Variants in INTU observed in about 807,000 individuals in gnomAD.
INTU encodes inturned planar cell polarity protein, also known as protein inturned.
A neutral mutation model predicts 100.5 loss-of-function variants in INTU; 68 were observed. The ratio of observed to expected loss-of-function variants is 0.68; its 90% CI spans 0.56 to 0.83. The LOEUF is 0.83. Among genes scored for constraint, INTU ranks in the 40% least tolerant of loss-of-function variants. The pLI is 0.00. For synonymous variants in INTU, 357 were observed against 395.7 expected (o/e 0.90, Z 1.16); for missense variants, 1,071 against 1,114.7 (o/e 0.96, Z 0.56).
At chr4:127,684,551 T>C (rs984345049) in intron 7 of INTU, 65 bp downstream of exon 7, 1 of 937,436 alleles carries the variant, frequency 1.1e-6, no homozygotes, top group East Asian at 2.6e-5. Context: ...CTTCTGCATT[T>C]AAGACCATTT....
chr4:127,706,348 A>G, intron 11 of INTU, 139 bp from the exon 12 acceptor site: 1 of 700,264 alleles, frequency 1.4e-6, no homozygotes, highest in Non-Finnish European at 2.3e-6. Flanking sequence ...AGGAAAGATG[A>G]CGGAGGAATT....
At chr4:127,665,521 G>A (rs1173548678) in intron 4 of INTU, among the ~76,000 whole-genome samples, 1 of 152,012 alleles carries the variant, frequency 6.6e-6, no homozygotes, top group Non-Finnish European at 1.5e-5. Flanking sequence ...CTGAAAGGTA[G>A]CTTGATAATT....
In INTU at chr4:127,673,348, AT is replaced by A. The variant is rs777890903; in HGVS notation, c.1092-758del. Among the ~76,000 whole-genome samples, 1,225 of 135,490 alleles carry A rather than the reference AT, an allele frequency of 9.0e-3. 6 individuals carry two copies. Among genetic ancestry groups the A allele is most frequent in the African/African-American group, 0.017 (619 of 36,846 alleles). 88.9% of individuals were successfully genotyped at this position (135,490 alleles called of 152,430 possible). ...AGGACCACTCCACTACACCCAGCTA[AT>A]TTTTTTTTTTTTTTTTTAAGAGATG... On this transcript the variant is annotated intron_variant, in intron 5 of 15. Coordinates refer to ENST00000335251, the MANE Select transcript of INTU (RefSeq NM_015693.4).
chr4:127,638,576 C>A (rs560477171), intron 1 of INTU, among the ~76,000 whole-genome samples: 2 of 152,160 alleles, frequency 1.3e-5, no homozygotes, highest in Non-Finnish European at 2.9e-5. Context: ...TTGAATACGT[C>A]AGGAATGAGA....
intron 6 of INTU, among the ~76,000 whole-genome samples, chr4:127,677,586 C>T (rs1274506598): frequency 6.6e-6 from 1 of 151,816 alleles, no homozygotes; most frequent in Non-Finnish European, 1.5e-5. Flanking sequence ...ACATCCACAC[C>T]AAAAACCCAT....
rs529484922 is a variant in INTU at position 127,664,366 on chromosome 4, C to T, written c.972+782C>T. ...TCTTTGATACCAGGTTACCTTTCAA[C>T]CTCAATGTTTTGAGGCTGTTAATTG... On this transcript the variant is annotated intron_variant, in intron 4 of 15. Coordinates refer to ENST00000335251, the MANE Select transcript of INTU (RefSeq NM_015693.4). Among the ~76,000 whole-genome samples, 6 of 152,090 alleles carry T rather than the reference C, an allele frequency of 3.9e-5. No individual in the cohort carries two copies. In the East Asian group the frequency reaches 1.2e-3, roughly 29 times the overall value.
chr4:127,704,329 A>AC lies in INTU; in HGVS notation c.1566+39_1566+40insC, dbSNP rs1560616276. ...TGAAGTCTAAATGTCCAGCTGCTGT[A>AC]TAAAGAGAACTAAATTTTCAAAACT... On this transcript the variant is annotated intron_variant, in intron 10 of 15. Coordinates refer to ENST00000335251, the MANE Select transcript of INTU (RefSeq NM_015693.4). 5.5e-6 allele frequency: 8 copies of AC among 1,449,582 alleles called. No individual in the cohort carries two copies. In the Admixed American group the frequency reaches 1.5e-4, roughly 28 times the overall value. 89.8% of individuals were successfully genotyped at this position (1,449,582 alleles called of 1,614,324 possible). A position where few individuals can be genotyped will look rare whatever the true frequency, so the allele number is the denominator to read the frequency against.
chr4:127,725,962 C>T lies in INTU; in HGVS notation c.*9526C>T, dbSNP rs1731411239. On this transcript the variant is annotated 3_prime_UTR_variant, in exon 16 of 16. Transcript: ENST00000335251. ...GGGACAGGATGACAGTGCAGATATC[C>T]TAGAAATATGCTTTAGAAGACATAG... The T allele has an allele frequency of 6.6e-6, 1 of 152,056 alleles. No individual in the cohort carries two copies. Among genetic ancestry groups the T allele is most frequent in the Admixed American group, 6.6e-5 (1 of 15,266 alleles). 9.4% of individuals were successfully genotyped at this position (152,056 alleles called of 1,614,324 possible). A position where few individuals can be genotyped will look rare whatever the true frequency, so the allele number is the denominator to read the frequency against.
chr4:127,695,157 T>C (rs968101501), intron 8 of INTU, among the ~76,000 whole-genome samples: 8 of 152,248 alleles, frequency 5.3e-5, no homozygotes, highest in Non-Finnish European at 1.2e-4. Flanking sequence ...TTTGATTTCA[T>C]TTATCAGAGT....
chr4:127,707,911 G>A (rs1730954633), intron 12 of INTU, among the ~76,000 whole-genome samples: 1 of 152,076 alleles, frequency 6.6e-6, no homozygotes, highest in Non-Finnish European at 1.5e-5. Context: ...GGTGGATGGA[G>A]GTGACACCAG....
At chr4:127,705,569 G>A (rs773618495) in intron 10 of INTU, 22 bp from the exon 11 acceptor site, 1 of 1,565,302 alleles carries the variant, frequency 6.4e-7, no homozygotes, top group South Asian at 1.1e-5. Flanking sequence ...GTAGACTTTT[G>A]CTCTTTGTGG....
intron 3 of INTU, among the ~76,000 whole-genome samples, chr4:127,660,978 T>A (rs1400380189): frequency 6.6e-6 from 1 of 152,226 alleles, no homozygotes; most frequent in Non-Finnish European, 1.5e-5. Flanking sequence ...TTTACCATTT[T>A]ATCAAGGCAA....
chr4:127,706,782 C>T lies in INTU; in HGVS notation c.2084C>T (p.Thr695Met), dbSNP rs775424865. The change falls in exon 12 of 16, where the codon ACG (threonine) becomes ATG (methionine). Residue 695 changes from threonine (T) to methionine (M), a missense_variant. Transcript: ENST00000335251. ...GCAACTTCTCCAACATGCAGAAGAA[C>T]GCTTTTTGGTGACTATTCCTTAAAG... ...KVATSPTCRR[T>M]LFGDYSLKTR... The T allele has an allele frequency of 2.0e-5, 33 of 1,613,930 alleles. No individual in the cohort carries two copies. Among genetic ancestry groups the T allele is most frequent in the African/African-American group, 1.9e-4 (14 of 74,926 alleles).
chr4:127,633,199 GA>G lies in INTU; in HGVS notation c.146+20del, dbSNP rs758109619. 6.2e-7 allele frequency: 1 copy of G among 1,610,558 alleles called. No homozygotes were observed. The highest frequency in any genetic ancestry group is 1.1e-5 in the South Asian group (1 of 90,886). On this transcript the variant is annotated intron_variant, in intron 1 of 15. Coordinates refer to ENST00000335251, the MANE Select transcript of INTU (RefSeq NM_015693.4). ...ATTATGAGTAAGGTTTTCAAAGAGG[GA>G]CAATTAATCCCATCCCATCAATCCA...
chr4:127,655,928 C>G (rs549971131), intron 2 of INTU, among the ~76,000 whole-genome samples: 3 of 152,150 alleles, frequency 2.0e-5, no homozygotes, highest in Admixed American at 1.3e-4. Flanking sequence ...TCTCGTGGTG[C>G]GCCGTTTTTT....
intron 9 of INTU, 101 bp from the exon 10 acceptor site, chr4:127,704,127 T>C (rs1444621339): frequency 5.4e-6 from 5 of 925,036 alleles, no homozygotes; most frequent in Non-Finnish European, 8.2e-6. Flanking sequence ...AAAAGTTTAG[T>C]TACTAAAGAA....
intron 2 of INTU, among the ~76,000 whole-genome samples, chr4:127,649,277 A>G (rs1489151345): frequency 1.3e-5 from 2 of 152,170 alleles, no homozygotes; most frequent in Non-Finnish European, 2.9e-5. Flanking sequence ...TTATTATACC[A>G]TTCAGTAAAC....
At position 127,656,686 on chromosome 4, in the gene INTU, G is replaced by C; in HGVS notation, c.733G>C (p.Glu245Gln). 1 of 1,610,810 alleles carries C rather than the reference G, an allele frequency of 6.2e-7. No individual in the cohort carries two copies. Among genetic ancestry groups the C allele is most frequent in the Admixed American group, 1.7e-5 (1 of 60,016 alleles). Residue 245 changes from glutamate (E) to glutamine (Q), a missense_variant, in exon 3 of 16, where the codon GAG becomes CAG. Transcript: ENST00000335251. ...TGTCGATGTTACTACTGAAAACATC[G>C]AGAGAGTTCTGTCTTGCATTCCTGG... The part of the protein sequence containing the change: ...NDVDVTTENI[E>Q]RVLSCIPGPM...
intron 5 of INTU, among the ~76,000 whole-genome samples, chr4:127,672,499 A>G (rs1210427365): frequency 7.7e-6 from 1 of 129,690 alleles, no homozygotes; most frequent in Non-Finnish European, 1.6e-5. Flanking sequence ...TATTTTTTCT[A>G]CTGTAAAGAA....
Sources: allele counts gnomAD v4.1 joint callset (sites outside exome capture counted in the v4.1 genomes callset), GRCh38; gene constraint gnomAD v4.1.1; transcripts MANE v1.5; gene names NCBI Gene and HGNC (gene_info 2026-07-23, HGNC 2026-07-21).